The following SEMA3C variants were observed in gnomAD, a reference collection of about 807,000 sequenced individuals.
SEMA3C encodes the protein semaphorin 3C, also known as semaphorin-3C.
A neutral mutation model predicts 89.4 loss-of-function variants in SEMA3C; 47 were observed. That is an observed-to-expected ratio of 0.53 (90% CI 0.42 to 0.67). The LOEUF is 0.67. Ranked by LOEUF, SEMA3C falls within the 30% of genes least tolerant of loss-of-function variation. The pLI is 0.00. For synonymous variants in SEMA3C, 310 were observed against 320.2 expected (o/e 0.97, Z 0.34); for missense variants, 839 against 929.1 (o/e 0.90, Z 1.26).
chr7:80,761,648 G>T lies in SEMA3C; in HGVS notation c.1453C>A (p.Pro485Thr). The T allele has an allele frequency of 7.5e-7, 1 of 1,337,538 alleles. No homozygotes were observed. The highest frequency in any genetic ancestry group is 1.0e-6 in the Non-Finnish European group (1 of 972,176). The allele number at this position is 1,337,538 out of a possible 1,614,324, so 82.9% of individuals were successfully genotyped here. Residue 485 changes from proline to threonine, a missense_variant, in exon 14 of 18, where the codon CCT becomes ACT. Pro to Thr is a conservative substitution (Grantham distance 38). Transcript: ENST00000265361. ...GATGAAATTTTCATTGTTGTTATAG[G>T]AGCATGATTCTAAAATATTAGAAAA... ...EELEVFKNHA[P>T]ITTMKISSKK...
At chr7:80,828,386 A>C (rs887178878) in intron 3 of SEMA3C, among the ~76,000 whole-genome samples, 199 bp downstream of exon 3, 14 of 152,124 alleles carry the variant, frequency 9.2e-5, no homozygotes, top group Non-Finnish European at 1.9e-4. Context: ...TTGAATTGTT[A>C]AAAACTATGG....
intron 2 of SEMA3C, among the ~76,000 whole-genome samples, chr7:80,843,222 T>C (rs1460108480): frequency 1.3e-5 from 2 of 152,136 alleles, no homozygotes; most frequent in Non-Finnish European, 2.9e-5. Flanking sequence ...TTCCAACACA[T>C]TCAAATGATA....
chr7:80,827,020 C>A (rs1397435440), intron 4 of SEMA3C, among the ~76,000 whole-genome samples: 1 of 152,072 alleles, frequency 6.6e-6, no homozygotes, highest in African/African-American at 2.4e-5. Flanking sequence ...ATGGAATTTG[C>A]TGGCTAACCA....
chr7:80,908,360 G>A (rs1792063256), intron 2 of SEMA3C, among the ~76,000 whole-genome samples: 1 of 152,144 alleles, frequency 6.6e-6, no homozygotes, highest in African/African-American at 2.4e-5. Flanking sequence ...TTTGTACAAA[G>A]TTATGTCTAT....
At chr7:80,845,352 A>C (rs1454789188) in intron 2 of SEMA3C, among the ~76,000 whole-genome samples, 1 of 152,096 alleles carries the variant, frequency 6.6e-6, no homozygotes, top group African/African-American at 2.4e-5. Context: ...GGACATCAGT[A>C]AGCCAACTGC....
rs555708584 is a variant in SEMA3C, at chr7:80,874,016, T to G, written c.103+42663A>C. ...TTTCAAGATCACCTCAAAGCCCTTTTTTGGAGTGGAGACAAAGGTGTAAGG... is the reference window on the plus strand; with the variant it reads ...TTTCAAGATCACCTCAAAGCCCTTTGTTGGAGTGGAGACAAAGGTGTAAGG... On this transcript the variant is annotated intron_variant, in intron 2 of 17. Coordinates refer to ENST00000265361, the MANE Select transcript of SEMA3C (RefSeq NM_006379.5). 4.0e-4 allele frequency among the ~76,000 whole-genome samples: 61 copies of G among 152,306 alleles called. 1 individual carries two copies. The highest frequency in any genetic ancestry group is 1.4e-3 in the African/African-American group (57 of 41,584).
chr7:80,795,483 T>C (rs1263515654), intron 11 of SEMA3C, among the ~76,000 whole-genome samples: 1 of 152,018 alleles, frequency 6.6e-6, no homozygotes, highest in African/African-American at 2.4e-5. Flanking sequence ...TTTCACGGAG[T>C]CTGTTGCAGA....
intron 14 of SEMA3C, 69 bp downstream of exon 14, chr7:80,761,547 T>A: frequency 1.2e-6 from 1 of 858,918 alleles, no homozygotes; most frequent in Non-Finnish European, 1.8e-6. Context: ...TCAGAAGTTA[T>A]AAAATATAAT....
intron 14 of SEMA3C, 73 bp from the exon 15 acceptor site, chr7:80,758,561 A>G: frequency 2.2e-6 from 3 of 1,383,106 alleles, no homozygotes; most frequent in South Asian, 2.3e-5. Context: ...AACACATTAT[A>G]ATATATGCCC....
At chr7:80,880,095 G>A in intron 2 of SEMA3C, among the ~76,000 whole-genome samples, 1 of 151,996 alleles carries the variant, frequency 6.6e-6, no homozygotes, top group Admixed American at 6.6e-5. Flanking sequence ...TTTTTCCTCT[G>A]TCTGGAATGC....
chr7:80,803,705 T>C (rs1322813120), intron 8 of SEMA3C, among the ~76,000 whole-genome samples: 1 of 152,158 alleles, frequency 6.6e-6, no homozygotes, highest in Non-Finnish European at 1.5e-5. Context: ...CTGAGATATT[T>C]ACTGTATTTT....
Position 80,794,657 on chromosome 7 carries a change from T to A in SEMA3C, c.1131+3435A>T, listed in dbSNP as rs139909921. ...TGACTCTGTTATACTTATAAAGAGATGTTAAAGTTGAACACTTTCATTAAG... is the reference window on the plus strand; with the variant it reads ...TGACTCTGTTATACTTATAAAGAGAAGTTAAAGTTGAACACTTTCATTAAG... On this transcript the variant is annotated intron_variant, in intron 11 of 17. Coordinates refer to ENST00000265361, the MANE Select transcript of SEMA3C (RefSeq NM_006379.5). Among the ~76,000 whole-genome samples the A allele has an allele frequency of 6.3e-3, 955 of 152,340 alleles. 48 individuals carry two copies. Among genetic ancestry groups the A allele is most frequent in the Admixed American group, 0.058 (892 of 15,290 alleles).
At position 80,789,423 on chromosome 7, in the gene SEMA3C, G is replaced by A; in HGVS notation, c.1237C>T (p.Pro413Ser). 1 of 1,613,944 alleles carries A rather than the reference G, an allele frequency of 6.2e-7. No homozygotes were observed. The highest frequency in any genetic ancestry group is 8.5e-7 in the Non-Finnish European group (1 of 1,179,950). The change falls in exon 12 of 18, where the codon CCA (proline) becomes TCA (serine). Residue 413 changes from proline to serine, a missense_variant. By Grantham distance (74) the Pro-to-Ser change is moderately conservative. Transcript: ENST00000265361. ...ACAATCAAAGGCCTTTTGTGGATTG[G>A]GTAGATGGAATTGTACATGAGAGGA... is the stretch of plus-strand genomic sequence containing the variant. ...NHPLMYNSIYPIHKRPLIVRI... is the reference protein window; with the variant it reads ...NHPLMYNSIYSIHKRPLIVRI...
chr7:80,764,339 A>G (rs1364233288), intron 13 of SEMA3C, among the ~76,000 whole-genome samples: 2 of 152,210 alleles, frequency 1.3e-5, no homozygotes, highest in African/African-American at 4.8e-5. Context: ...GACTGATTCC[A>G]TGCCAAACTT....
chr7:80,915,945 T>C (rs1056439844), intron 2 of SEMA3C, among the ~76,000 whole-genome samples: 1 of 152,138 alleles, frequency 6.6e-6, no homozygotes, highest in Non-Finnish European at 1.5e-5. Context: ...GCTCCATCTG[T>C]CCAATTAGTA....
intron 12 of SEMA3C, among the ~76,000 whole-genome samples, chr7:80,780,701 T>C (rs1346428567): frequency 6.6e-6 from 1 of 152,074 alleles, no homozygotes; most frequent in Non-Finnish European, 1.5e-5. Context: ...CTGGGCAACG[T>C]GCAGAAACCC....
chr7:80,758,932 A>G (rs2117048521), intron 14 of SEMA3C, among the ~76,000 whole-genome samples: 1 of 152,328 alleles, frequency 6.6e-6, no homozygotes, highest in South Asian at 2.1e-4. Context: ...GTTTAGAAGG[A>G]AAAAATGGTA....
At chr7:80,787,661 G>C (rs1253634756) in intron 12 of SEMA3C, among the ~76,000 whole-genome samples, 1 of 152,216 alleles carries the variant, frequency 6.6e-6, no homozygotes, top group African/African-American at 2.4e-5. Context: ...ATACAGCAGA[G>C]GTGGCAGTGG....
At chr7:80,765,331 T>C in intron 12 of SEMA3C, 88 bp from the exon 13 acceptor site, 1 of 918,634 alleles carries the variant, frequency 1.1e-6, no homozygotes, top group Non-Finnish European at 1.7e-6. Flanking sequence ...GGACCATTAT[T>C]TACATAAGTA....
Sources: gnomAD v4.1 joint callset for allele counts (sites outside exome capture counted in the v4.1 genomes callset) on GRCh38, gnomAD v4.1.1 for gene constraint, MANE v1.5 for transcripts, NCBI Gene and HGNC (gene_info 2026-07-23, HGNC 2026-07-21) for gene names.